Variants in HDLBP observed in about 807,000 individuals in gnomAD.
HDLBP encodes high density lipoprotein binding protein, also known as vigilin.
In HDLBP, 30 loss-of-function variants were observed where a neutral mutation model predicts 137.3. That is an observed-to-expected ratio of 0.22 (90% CI 0.16 to 0.30). HDLBP has a LOEUF of 0.30. Among genes scored for constraint, HDLBP ranks in the 10% least tolerant of loss-of-function variants. The pLI is 1.00. For missense variants in HDLBP, 1,119 were observed against 1,667.3 expected, an observed-to-expected ratio of 0.67 and a Z score of 5.73; for synonymous variants, 606 against 596.0, an observed-to-expected ratio of 1.02 and a Z score of -0.24.
chr2:241,231,833 C>T (rs893093544), intron 24 of HDLBP, among the ~76,000 whole-genome samples: 4 of 152,106 alleles, frequency 2.6e-5, no homozygotes, highest in East Asian at 3.8e-4. Context: ...AGCCCACAAT[C>T]GGCGAAAACA....
At chr2:241,242,804 A>G (rs2071374681) in intron 16 of HDLBP, 126 bp from the exon 17 acceptor site, 7 of 814,006 alleles carry the variant, frequency 8.6e-6, no homozygotes, top group South Asian at 8.1e-5. Context: ...GATGCCACTT[A>G]CAAGCACTGA....
At chr2:241,313,429 G>A (rs10933550) in intron 1 of HDLBP, among the ~76,000 whole-genome samples, 48,072 of 151,846 alleles carry the variant, frequency 0.32, 8,334 homozygotes, top group East Asian at 0.51. Context: ...ACAGGCGCGC[G>A]CCACCATGCC....
At chr2:241,271,637 A>C (rs2074044825) in intron 1 of HDLBP, among the ~76,000 whole-genome samples, 1 of 152,238 alleles carries the variant, frequency 6.6e-6, no homozygotes, top group African/African-American at 2.4e-5. Context: ...GAAGAGAATT[A>C]TCAGTAATAC....
intron 1 of HDLBP, among the ~76,000 whole-genome samples, chr2:241,273,406 A>C (rs1175154214): frequency 6.6e-6 from 1 of 151,940 alleles, no homozygotes; most frequent in African/African-American, 2.4e-5. Context: ...TTATGGCTCC[A>C]TCTCTACATA....
intron 1 of HDLBP, among the ~76,000 whole-genome samples, chr2:241,284,536 T>C (rs1304190863): frequency 1.3e-5 from 2 of 152,258 alleles, no homozygotes; most frequent in East Asian, 1.9e-4. Flanking sequence ...GTTGTGAACA[T>C]TGTTGAAATG....
In HDLBP at chr2:241,239,986, T is replaced by G. The variant is rs1247911599; in HGVS notation, c.2306A>C (p.Lys769Thr). 6.2e-7 allele frequency: 1 copy of G among 1,614,216 alleles called. No individual in the cohort carries two copies. Among genetic ancestry groups the G allele is most frequent in the East Asian group, 2.2e-5 (1 of 44,878 alleles). Reference protein sequence around the residue: ...ARVIFPAAEDKDQDLITIIGK... With the variant: ...ARVIFPAAEDTDQDLITIIGK... Reference sequence around the variant, plus strand: ...AATGATGGTGATCAGGTCCTGGTCCTTGTCCTCAGCCGCAGGGAAGATGAC... The same window carrying G: ...AATGATGGTGATCAGGTCCTGGTCCGTGTCCTCAGCCGCAGGGAAGATGAC... The change falls in exon 18 of 28, where the codon AAG becomes ACG. Residue 769 changes from lysine (K) to threonine (T), a missense_variant. By Grantham distance (78) the Lys-to-Thr change is moderately conservative. This residue lies in a region of HDLBP where 618 missense variants were observed against 816.7 expected (regional missense o/e 0.76). Transcript: ENST00000310931. The surrounding 1 kb of genome is among the most constrained non-coding windows in gnomAD (Gnocchi z 4.6).
chr2:241,268,403 A>C lies in HDLBP; in HGVS notation c.-38+74T>G, dbSNP rs1369836517. The C allele has an allele frequency of 4.3e-6, 4 of 928,076 alleles. No homozygotes were observed. In the African/African-American group the frequency reaches 7.2e-5, roughly 17 times the overall value. The allele number at this position is 928,076 out of a possible 1,614,324, so 57.5% of individuals were successfully genotyped here. ...AAAGAAGGTACACACAGGACTAAGAAAATACGCATCCCTGCGCCCCCAGGT... is the reference window on the plus strand; with the variant it reads ...AAAGAAGGTACACACAGGACTAAGACAATACGCATCCCTGCGCCCCCAGGT... On this transcript the variant is annotated intron_variant, in intron 2 of 27. Transcript: ENST00000310931.
intron 4 of HDLBP, 101 bp downstream of exon 4, chr2:241,264,347 G>C: frequency 1.2e-6 from 1 of 813,778 alleles, no homozygotes; most frequent in Non-Finnish European, 1.9e-6. Context: ...GGGCGACAGA[G>C]CGGGACTCTG....
rs548059476 is a variant in HDLBP, at chr2:241,228,863, C to G, written c.*738G>C. ...ATCTCAATCACAGCAGACACTGTGACGGCCACAGGGGACCCAGATGGTGCC... is the reference window on the plus strand; with the variant it reads ...ATCTCAATCACAGCAGACACTGTGAGGGCCACAGGGGACCCAGATGGTGCC... On this transcript the variant is annotated 3_prime_UTR_variant, in exon 28 of 28. Transcript: ENST00000310931. 2 of 152,880 alleles carry G rather than the reference C, an allele frequency of 1.3e-5. No individual in the cohort carries two copies. The highest frequency in any genetic ancestry group is 1.3e-4 in the Admixed American group (2 of 15,282). 9.5% of individuals were successfully genotyped at this position (152,880 alleles called of 1,614,324 possible).
intron 1 of HDLBP, among the ~76,000 whole-genome samples, chr2:241,288,611 A>AT (rs1282138832): frequency 6.6e-6 from 1 of 152,182 alleles, no homozygotes; most frequent in African/African-American, 2.4e-5. Context: ...GAAGAAACAA[A>AT]CCACTGCTTC....
chr2:241,302,751 C>T (rs1221125147), intron 1 of HDLBP: 1 of 152,234 alleles, frequency 6.6e-6, no homozygotes, highest in Non-Finnish European at 1.5e-5. Context: ...GTGCAGCTCT[C>T]TCCAGAGTCT....
At chr2:241,302,425 T>C (rs1005216502) in intron 1 of HDLBP, among the ~76,000 whole-genome samples, 7 of 152,108 alleles carry the variant, frequency 4.6e-5, no homozygotes, top group Admixed American at 6.6e-5. Flanking sequence ...AGGCACCCTA[T>C]AGTCCTAGCT....
rs1052447629 is a variant in HDLBP at position 241,272,653 on chromosome 2, C to A, written c.-102-4112G>T. On this transcript the variant is annotated intron_variant, in intron 1 of 27. Coordinates refer to ENST00000310931, the MANE Select transcript of HDLBP (RefSeq NM_005336.6). The surrounding 1 kb of genome is among the most constrained non-coding windows in gnomAD (Gnocchi z 5.6). ...GGGCCGCGGCACCCGGGCCCCTCCC[C>A]CTCCGCGGCCTCCACGTCAGCAGCC... The A allele has an allele frequency of 5.4e-6, 5 of 931,450 alleles. No homozygotes were observed. The African/African-American group carries it at 5.4e-5, about 10-fold the overall frequency. 57.7% of individuals were successfully genotyped at this position (931,450 alleles called of 1,614,324 possible).
chr2:241,259,371 T>C (rs1050197708), intron 5 of HDLBP, among the ~76,000 whole-genome samples: 1 of 152,192 alleles, frequency 6.6e-6, no homozygotes, highest in Non-Finnish European at 1.5e-5. Context: ...TTATATAACG[T>C]TGACTTTGCA....
intron 1 of HDLBP, among the ~76,000 whole-genome samples, chr2:241,278,834 T>G (rs1389349923): frequency 6.6e-6 from 1 of 151,992 alleles, no homozygotes; most frequent in Non-Finnish European, 1.5e-5. Context: ...CACAATCAAT[T>G]ATGTTTCCAA....
At chr2:241,297,953 C>G (rs1030661138) in intron 1 of HDLBP, among the ~76,000 whole-genome samples, 1 of 139,878 alleles carries the variant, frequency 7.1e-6, no homozygotes, top group African/African-American at 2.7e-5. Context: ...GAGGCTGAGG[C>G]GGGAGAATCA....
intron 17 of HDLBP, among the ~76,000 whole-genome samples, chr2:241,241,247 G>A (rs1299299312): frequency 2.0e-5 from 3 of 152,118 alleles, no homozygotes; most frequent in Admixed American, 6.5e-5. Context: ...CACAGACCAC[G>A]TGATTGTGAC....
At chr2:241,271,046 C>G in intron 1 of HDLBP, 1 of 985,414 alleles carries the variant, frequency 1.0e-6, no homozygotes, top group Non-Finnish European at 1.2e-6. Flanking sequence ...CGCTCCACCT[C>G]AAGTTATGAC....
intron 1 of HDLBP, among the ~76,000 whole-genome samples, chr2:241,290,370 A>G (rs980219964): frequency 2.6e-5 from 4 of 152,118 alleles, no homozygotes; most frequent in African/African-American, 9.7e-5. Context: ...CAGCACCTTG[A>G]AAGGCCAAGG....
Sources: gnomAD v4.1 joint callset for allele counts (sites outside exome capture counted in the v4.1 genomes callset) on GRCh38, gnomAD v4.1.1 for gene constraint, gnomAD v4.1.1 regional missense constraint, Gnocchi (gnomAD v3.1) non-coding constraint, MANE v1.5 for transcripts, NCBI Gene and HGNC (gene_info 2026-07-23, HGNC 2026-07-21) for gene names.